The following PPARA variants were observed in gnomAD, a reference collection of about 807,000 sequenced individuals.
PPARA encodes the protein peroxisome proliferator-activated receptor alpha.
A neutral mutation model predicts 42.2 loss-of-function variants in PPARA; 22 were observed. The observed-to-expected ratio is 0.52, with a 90% CI of 0.37 to 0.74. The LOEUF (loss-of-function observed/expected upper bound fraction) is 0.74. PPARA is among the 30% of genes least tolerant of loss of function. The pLI, the probability that PPARA is intolerant of heterozygous loss-of-function variation, is 0.00. For synonymous variants in PPARA, 242 were observed against 239.3 expected, an observed-to-expected ratio of 1.01 and a Z score of -0.10; for missense variants, 465 against 608.2, an observed-to-expected ratio of 0.76 and a Z score of 2.48.
chr22:46,162,801 G>A lies in PPARA; in HGVS notation c.-127+10831G>A, dbSNP rs985854800. Reference sequence around the variant, plus strand: ...TTCCTTGCTGCTCCCCCAAACTAGAGGCAGGAGTTTTGTCCTTCAGATAAC... The same window carrying A: ...TTCCTTGCTGCTCCCCCAAACTAGAAGCAGGAGTTTTGTCCTTCAGATAAC... On this transcript the variant is annotated intron_variant, in intron 2 of 8. Transcript: ENST00000407236. This position sits in a 1 kb window ranked among gnomAD's most constrained non-coding sequence, Gnocchi z 6.0. 6.6e-6 allele frequency among the ~76,000 whole-genome samples: 1 copy of A among 152,214 alleles called. No individual in the cohort carries two copies. Among genetic ancestry groups the A allele is most frequent in the African/African-American group, 2.4e-5 (1 of 41,448 alleles).
chr22:46,210,242 G>A (rs12166556), intron 4 of PPARA, among the ~76,000 whole-genome samples: 14,530 of 146,892 alleles, frequency 0.099, 2,287 homozygotes, highest in African/African-American at 0.34. Flanking sequence ...CCGGGAGGCA[G>A]AGGTTGTGGT....
chr22:46,190,578 C>G lies in PPARA; in HGVS notation c.-42-7764C>G, dbSNP rs2147324987. 6.6e-6 allele frequency among the ~76,000 whole-genome samples: 1 copy of G among 152,172 alleles called. No homozygotes were observed. Among genetic ancestry groups the G allele is most frequent in the South Asian group, 2.1e-4 (1 of 4,828 alleles). On this transcript the variant is annotated intron_variant, in intron 3 of 8. Coordinates refer to ENST00000407236, the MANE Select transcript of PPARA (RefSeq NM_005036.6). This position sits in a 1 kb window ranked among gnomAD's most constrained non-coding sequence, Gnocchi z 5.6. The stretch of plus-strand genomic sequence containing the variant: ...GACCAGGCTGGGCAACATAGTGAAA[C>G]CTATCTCTACAAAAATACAAAAATT...
intron 2 of PPARA, among the ~76,000 whole-genome samples, chr22:46,152,947 A>G (rs931345875): frequency 3.3e-5 from 5 of 152,194 alleles, no homozygotes; most frequent in Non-Finnish European, 7.3e-5. Flanking sequence ...TTGCCTGGGC[A>G]TGGTGGCGGA....
At chr22:46,177,947 C>T (rs1049430740) in intron 3 of PPARA, among the ~76,000 whole-genome samples, 1 of 152,076 alleles carries the variant, frequency 6.6e-6, no homozygotes, top group East Asian at 1.9e-4. Flanking sequence ...TATCTTGAGG[C>T]TTTAAGTATC....
intron 2 of PPARA, among the ~76,000 whole-genome samples, chr22:46,174,440 T>C (rs926888070): frequency 2.6e-5 from 4 of 152,072 alleles, no homozygotes; most frequent in African/African-American, 9.7e-5. Flanking sequence ...GTTTCTATGT[T>C]ATATATCCTA....
At chr22:46,172,717 C>T (rs2036425869) in intron 2 of PPARA, among the ~76,000 whole-genome samples, 1 of 152,208 alleles carries the variant, frequency 6.6e-6, no homozygotes, top group East Asian at 1.9e-4. Context: ...AGACCGAGGT[C>T]ACATCGGGAC....
At position 46,238,500 on chromosome 22, in the gene PPARA, G is replaced by A. The variant is rs1284537070; in HGVS notation, c.*3120G>A. Reference sequence around the variant, plus strand: ...CCGCTCCCTCTGGCAGCGAATGTAGGAAGTCGCCAAATTTACCCACTCTTC... The same window carrying A: ...CCGCTCCCTCTGGCAGCGAATGTAGAAAGTCGCCAAATTTACCCACTCTTC... On this transcript the variant is annotated 3_prime_UTR_variant, in exon 9 of 9. Transcript: ENST00000407236. This position sits in a 1 kb window ranked among gnomAD's most constrained non-coding sequence, Gnocchi z 8.3. The A allele has an allele frequency of 2.0e-5, 3 of 152,242 alleles. No homozygotes were observed. Among genetic ancestry groups the A allele is most frequent in the Non-Finnish European group, 4.4e-5 (3 of 68,042 alleles). The allele number at this position is 152,242 out of a possible 1,614,324, so 9.4% of individuals were successfully genotyped here. A position where few individuals can be genotyped will look rare whatever the true frequency, so the allele number is the denominator to read the frequency against.
chr22:46,178,414 G>A (rs1327928578), intron 3 of PPARA, among the ~76,000 whole-genome samples: 1 of 152,162 alleles, frequency 6.6e-6, no homozygotes, highest in Non-Finnish European at 1.5e-5. Flanking sequence ...GGCAGTGAAG[G>A]GCACTGATGG....
intron 2 of PPARA, among the ~76,000 whole-genome samples, chr22:46,169,787 T>C (rs1344421926): frequency 6.6e-6 from 1 of 152,048 alleles, no homozygotes; most frequent in East Asian, 1.9e-4. Context: ...TAGATGGATA[T>C]ACTATGTTCA....
chr22:46,219,769 TGACCTCACTGCTC>T lies in PPARA; in HGVS notation c.509-42_509-30del. On this transcript the variant is annotated intron_variant, in intron 6 of 8. Coordinates refer to ENST00000407236, the MANE Select transcript of PPARA (RefSeq NM_005036.6). This position sits in a 1 kb window ranked among gnomAD's most constrained non-coding sequence, Gnocchi z 4.8. Reference sequence around the variant, plus strand: ...TCGTCCAGCCCTGTCCGCGCAGTCATGACCTCACTGCTCATGCCTGTGTTTCCCCCTCCAAACC... The same window carrying T: ...TCGTCCAGCCCTGTCCGCGCAGTCATATGCCTGTGTTTCCCCCTCCAAACC... The T allele has an allele frequency of 6.3e-7, 1 of 1,599,740 alleles. No individual in the cohort carries two copies. The highest frequency in any genetic ancestry group is 1.1e-5 in the South Asian group (1 of 90,568).
At chr22:46,164,414 T>C (rs1042134463) in intron 2 of PPARA, 2 of 151,936 alleles carry the variant, frequency 1.3e-5, no homozygotes, top group Non-Finnish European at 2.9e-5. Flanking sequence ...CACCATGCCT[T>C]GCTAATTTTT....
chr22:46,197,046 G>A (rs904262705), intron 3 of PPARA, among the ~76,000 whole-genome samples: 3 of 146,884 alleles, frequency 2.0e-5, no homozygotes, highest in African/African-American at 8.0e-5. Context: ...TTTTGGTTTT[G>A]GTTTGGTTTT....
rs902030145 is a variant in PPARA, at chr22:46,224,348, G to A, written c.711+4334G>A. On this transcript the variant is annotated intron_variant, in intron 7 of 8. Coordinates refer to ENST00000407236, the MANE Select transcript of PPARA (RefSeq NM_005036.6). This position sits in a 1 kb window ranked among gnomAD's most constrained non-coding sequence, Gnocchi z 5.7. ...AGGATGCCCACCACCAGGCCACACT[G>A]CCTGAATCTATTGGCAGAGCTCTGG... Among the ~76,000 whole-genome samples, 1 of 152,250 alleles carries A rather than the reference G, an allele frequency of 6.6e-6. No individual in the cohort carries two copies. The highest frequency in any genetic ancestry group is 6.5e-5 in the Admixed American group (1 of 15,286).
At chr22:46,201,414 G>A (rs369950863) in intron 4 of PPARA, among the ~76,000 whole-genome samples, 50 of 152,246 alleles carry the variant, frequency 3.3e-4, no homozygotes, top group African/African-American at 1.2e-3. Flanking sequence ...TTCTCCTGGC[G>A]CGTTAAGCAG....
chr22:46,199,327 A>G (rs567963914), intron 4 of PPARA, among the ~76,000 whole-genome samples: 36 of 152,196 alleles, frequency 2.4e-4, no homozygotes, highest in Non-Finnish European at 4.0e-4. Context: ...TATATACTTC[A>G]TAGCAATTTA....
intron 2 of PPARA, among the ~76,000 whole-genome samples, chr22:46,168,792 G>A (rs1018801770): frequency 2.0e-5 from 3 of 151,976 alleles, no homozygotes; most frequent in Non-Finnish European, 2.9e-5. Context: ...CCAAGTATGC[G>A]TAAGAATGTG....
At position 46,219,740 on chromosome 22, in the gene PPARA, C is replaced by A. The variant is rs768220745; in HGVS notation, c.509-72C>A. The A allele has an allele frequency of 6.9e-7, 1 of 1,458,104 alleles. No homozygotes were observed. The highest frequency in any genetic ancestry group is 9.6e-7 in the Non-Finnish European group (1 of 1,041,126). The allele number at this position is 1,458,104 out of a possible 1,614,324, so 90.3% of individuals were successfully genotyped here. ...TTCCTGGTTTAAAGTCCTGGGGGAG[C>A]CCCTCGTCCAGCCCTGTCCGCGCAG... On this transcript the variant is annotated intron_variant, in intron 6 of 8. Transcript: ENST00000407236. This position sits in a 1 kb window ranked among gnomAD's most constrained non-coding sequence, Gnocchi z 4.8.
In PPARA at chr22:46,160,328, G is replaced by A. The variant is rs905178297; in HGVS notation, c.-127+8358G>A. ...TTGTTTGTTTTTGAGATGGAGTCTC[G>A]CTCTGTCACCCAGGCCGGAGTGCAG... On this transcript the variant is annotated intron_variant, in intron 2 of 8. Transcript: ENST00000407236. The surrounding 1 kb of genome is among the most constrained non-coding windows in gnomAD (Gnocchi z 4.5). Among the ~76,000 whole-genome samples the A allele has an allele frequency of 6.6e-6, 1 of 152,152 alleles. No homozygotes were observed. Among genetic ancestry groups the A allele is most frequent in the African/African-American group, 2.4e-5 (1 of 41,426 alleles).
chr22:46,174,908 T>C (rs559229762), intron 2 of PPARA, among the ~76,000 whole-genome samples: 1 of 151,714 alleles, frequency 6.6e-6, no homozygotes, highest in Admixed American at 6.6e-5. Flanking sequence ...ATAATTGTAG[T>C]TTTTTTTACT....
Sources: allele counts gnomAD v4.1 joint callset (sites outside exome capture counted in the v4.1 genomes callset), GRCh38; gene constraint gnomAD v4.1.1; non-coding constraint Gnocchi (gnomAD v3.1); transcripts MANE v1.5; gene names NCBI Gene and HGNC (gene_info 2026-07-23, HGNC 2026-07-21).